DYNC2H1: variants seen among roughly 807,000 people sequenced by gnomAD.
DYNC2H1 encodes the protein dynein cytoplasmic 2 heavy chain 1, also known as cytoplasmic dynein 2 heavy chain 1.
A neutral mutation model predicts 570.0 loss-of-function variants in DYNC2H1; 410 were observed. That is an observed-to-expected ratio of 0.72 (90% confidence interval 0.66 to 0.78). DYNC2H1 has a LOEUF of 0.78. DYNC2H1 is among the 30% of genes least tolerant of loss of function. The pLI is 0.00. For missense variants in DYNC2H1, 4,865 were observed against 5,046.4 expected, an observed-to-expected ratio of 0.96 and a Z score of 1.09; for synonymous variants, 1,688 against 1,677.6, an observed-to-expected ratio of 1.01 and a Z score of -0.15.
chr11:103,186,175 G>C lies in DYNC2H1; in HGVS notation c.6634-67G>C, dbSNP rs1483633875. ...TGATTTACTTTTGGGATATTTACTT[G>C]GAAGAATTTTAAAATGTCACACACT... On this transcript the variant is annotated intron_variant, in intron 41 of 88. Transcript: ENST00000375735. This position sits in a 1 kb window ranked among gnomAD's most constrained non-coding sequence, Gnocchi z 4.5. 2 of 1,456,504 alleles carry C rather than the reference G, an allele frequency of 1.4e-6. No individual in the cohort carries two copies. Among genetic ancestry groups the C allele is most frequent in the African/African-American group, 2.8e-5 (2 of 70,746 alleles). 90.2% of individuals were successfully genotyped at this position (1,456,504 alleles called of 1,614,324 possible). A position where few individuals can be genotyped will look rare whatever the true frequency, so the allele number is the denominator to read the frequency against.
intron 82 of DYNC2H1, among the ~76,000 whole-genome samples, chr11:103,341,961 TGA>T (rs1278879480): frequency 6.6e-6 from 1 of 152,180 alleles, no homozygotes; most frequent in African/African-American, 2.4e-5. Context: ...GGCAACATAG[TGA>T]GACCCCTTCT....
intron 78 of DYNC2H1, among the ~76,000 whole-genome samples, chr11:103,311,027 A>G (rs941059396): frequency 6.6e-6 from 1 of 152,054 alleles, no homozygotes. Context: ...AGGTCGTTTT[A>G]CTTAAGAAAT....
rs542443027 is a variant in DYNC2H1 at position 103,301,754 on chromosome 11, C to T, written c.11096-1339C>T. Among the ~76,000 whole-genome samples, 19 of 151,942 alleles carry T rather than the reference C, an allele frequency of 1.3e-4. 2 individuals carry two copies. In the South Asian group the frequency reaches 3.5e-3, roughly 28 times the overall value. On this transcript the variant is annotated intron_variant, in intron 75 of 88. Transcript: ENST00000375735. Reference sequence around the variant, plus strand: ...AAATGTACCTTTTCTGGTTGGCTATCTAGAATTGTCTCTTTTGACCCATCA... The same window carrying T: ...AAATGTACCTTTTCTGGTTGGCTATTTAGAATTGTCTCTTTTGACCCATCA...
At chr11:103,362,848 G>C (rs1465862185) in intron 83 of DYNC2H1, among the ~76,000 whole-genome samples, 1 of 151,986 alleles carries the variant, frequency 6.6e-6, no homozygotes, top group African/African-American at 2.4e-5. Context: ...TGGCCAACAT[G>C]GTGAAACCCC....
rs181299952 is a variant in DYNC2H1, at chr11:103,399,182, G to A, written c.12157-481G>A. 6.1e-3 allele frequency among the ~76,000 whole-genome samples: 789 copies of A among 130,282 alleles called. 12 individuals are homozygous for A. The highest frequency in any genetic ancestry group is 0.023 in the African/African-American group (752 of 32,754). The allele number at this position is 130,282 out of a possible 152,430, so 85.5% of individuals were successfully genotyped here. On this transcript the variant is annotated intron_variant, in intron 83 of 88. Coordinates refer to ENST00000375735, the MANE Select transcript of DYNC2H1 (RefSeq NM_001377.3). The stretch of plus-strand genomic sequence containing the variant: ...TTTTGAGATGGAGTCTCACTCTGTC[G>A]CCCAGGCTGGAGGGCAGTGGCACAA...
chr11:103,371,558 G>C (rs531029395), intron 83 of DYNC2H1, among the ~76,000 whole-genome samples: 1 of 152,232 alleles, frequency 6.6e-6, no homozygotes, highest in African/African-American at 2.4e-5. Context: ...AAAGCAGTAA[G>C]AGAAAAGAAA....
At chr11:103,388,253 CT>C (rs1941978392) in intron 83 of DYNC2H1, among the ~76,000 whole-genome samples, 2 of 151,960 alleles carry the variant, frequency 1.3e-5, no homozygotes, top group Non-Finnish European at 2.9e-5. Context: ...GTATTTTATT[CT>C]CTTTGAAGCA....
At chr11:103,394,104 C>A (rs1388288109) in intron 83 of DYNC2H1, among the ~76,000 whole-genome samples, 1 of 152,104 alleles carries the variant, frequency 6.6e-6, no homozygotes, top group Non-Finnish European at 1.5e-5. Context: ...TGTGTTTTTG[C>A]CCTTTATTTC....
Position 103,173,295 on chromosome 11 carries a change from AATCT to A in DYNC2H1, c.5554_5557del (p.Ser1852GlyfsTer4), listed in dbSNP as rs1861649825. On this transcript the variant is annotated frameshift_variant, in exon 35 of 89. Transcript: ENST00000375735. LOFTEE classifies it high-confidence loss of function. The stretch of plus-strand genomic sequence containing the variant: ...GAGCAGAAAATTGGTAGCTATTTTC[AATCT>A]ATCTAGGTGAGTTTTCTTGTTCTAA... The A allele has an allele frequency of 6.4e-7, 1 of 1,570,922 alleles. No individual in the cohort carries two copies. The highest frequency in any genetic ancestry group is 1.8e-5 in the Admixed American group (1 of 54,214).
intron 58 of DYNC2H1, among the ~76,000 whole-genome samples, chr11:103,222,563 A>G (rs653154): frequency 0.6 from 90,984 of 151,898 alleles, 27,552 homozygotes; most frequent in Admixed American, 0.69. Flanking sequence ...TCAAAATGTT[A>G]TGTACATCTT....
intron 59 of DYNC2H1, among the ~76,000 whole-genome samples, chr11:103,230,105 A>C (rs1184371524): frequency 6.6e-6 from 1 of 152,154 alleles, no homozygotes; most frequent in Non-Finnish European, 1.5e-5. Flanking sequence ...TGTACACTGA[A>C]GTTTGAGAAC....
chr11:103,117,878 A>T lies in DYNC2H1; in HGVS notation c.999+15A>T. 6.3e-7 allele frequency: 1 copy of T among 1,587,650 alleles called. No homozygotes were observed. The highest frequency in any genetic ancestry group is 1.7e-5 in the Admixed American group (1 of 58,090). On this transcript the variant is annotated intron_variant, in intron 6 of 88. Coordinates refer to ENST00000375735, the MANE Select transcript of DYNC2H1 (RefSeq NM_001377.3). ...GCCTTGAAGAGGTATCAATTTGATT[A>T]TCTAGATCTTTGTCTTTAAATGTAA...
intron 6 of DYNC2H1, among the ~76,000 whole-genome samples, chr11:103,119,409 G>C (rs1186469234): frequency 2.6e-5 from 4 of 151,814 alleles, no homozygotes; most frequent in Non-Finnish European, 5.9e-5. Context: ...AGGTGATCTT[G>C]GCTCACTGCA....
At chr11:103,311,784 A>C in intron 78 of DYNC2H1, 94 bp from the exon 79 acceptor site, 5 of 1,309,874 alleles carry the variant, frequency 3.8e-6, no homozygotes, top group African/African-American at 1.5e-5. Flanking sequence ...GCAGTGAAAA[A>C]TTTTCTTTAA....
At chr11:103,337,975 T>C (rs553519687) in intron 82 of DYNC2H1, among the ~76,000 whole-genome samples, 1 of 152,344 alleles carries the variant, frequency 6.6e-6, no homozygotes, top group Non-Finnish European at 1.5e-5. Context: ...CTGAAGCATT[T>C]CCCCAATGTT....
chr11:103,406,495 TCTC>T (rs761873296), intron 84 of DYNC2H1: 7 of 151,866 alleles, frequency 4.6e-5, no homozygotes, highest in Non-Finnish European at 7.4e-5. Flanking sequence ...TGGAGGTAAA[TCTC>T]CTAGGGATAA....
intron 59 of DYNC2H1, among the ~76,000 whole-genome samples, chr11:103,229,359 CTGCT>C (rs1863920123): frequency 6.6e-6 from 1 of 152,148 alleles, no homozygotes; most frequent in Non-Finnish European, 1.5e-5. Flanking sequence ...CAAGCTAGTC[CTGCT>C]TGCTATCTGT....
chr11:103,455,996 C>CGTGT (rs1441296018), intron 86 of DYNC2H1, among the ~76,000 whole-genome samples: 1 of 151,956 alleles, frequency 6.6e-6, no homozygotes, highest in Non-Finnish European at 1.5e-5. Context: ...GAACACCCAT[C>CGTGT]GTGTGCCTGC....
chr11:103,247,623 A>G (rs1864667812), intron 65 of DYNC2H1, among the ~76,000 whole-genome samples: 1 of 152,060 alleles, frequency 6.6e-6, no homozygotes, highest in African/African-American at 2.4e-5. Context: ...CCTAACAACA[A>G]ATAATTTCTC....
Sources: gnomAD v4.1 joint callset for allele counts (sites outside exome capture counted in the v4.1 genomes callset) on GRCh38, gnomAD v4.1.1 for gene constraint, Gnocchi (gnomAD v3.1) non-coding constraint, MANE v1.5 for transcripts, NCBI Gene and HGNC (gene_info 2026-07-23, HGNC 2026-07-21) for gene names.